TLK1: variants seen among roughly 807,000 people sequenced by gnomAD.
The protein encoded by TLK1 is serine/threonine-protein kinase tousled-like 1.
TLK1 carries 24 observed loss-of-function variants against 105.3 expected under a neutral mutation model. That is an observed-to-expected ratio of 0.23 (90% CI 0.17 to 0.32). The LOEUF is 0.32. Ranked by LOEUF, TLK1 falls within the 10% of genes least tolerant of loss-of-function variation. The pLI is 1.00. For missense variants in TLK1, 558 were observed against 910.5 expected, an observed-to-expected ratio of 0.61 and a Z score of 4.98; for synonymous variants, 321 against 310.4, an observed-to-expected ratio of 1.03 and a Z score of -0.36.
intron 1 of TLK1, among the ~76,000 whole-genome samples, chr2:171,151,932 C>T (rs1023382280): frequency 8.6e-5 from 13 of 152,028 alleles, no homozygotes; most frequent in African/African-American, 2.9e-4. Context: ...GGCAAATATA[C>T]AGTATCAAAA....
intron 12 of TLK1, among the ~76,000 whole-genome samples, 152 bp downstream of exon 12, chr2:171,028,182 ATAAAG>A (rs1439257371): frequency 6.6e-6 from 1 of 152,164 alleles, no homozygotes; most frequent in Non-Finnish European, 1.5e-5. Context: ...AATAAATAAA[ATAAAG>A]TAACTTTAAT....
At chr2:171,127,376 G>T (rs1690915129) in intron 1 of TLK1, among the ~76,000 whole-genome samples, 1 of 151,816 alleles carries the variant, frequency 6.6e-6, no homozygotes, top group Admixed American at 6.6e-5. Flanking sequence ...TTTTAACATG[G>T]TTAATAAATA....
At chr2:171,089,502 T>C (rs1344722625) in intron 2 of TLK1, among the ~76,000 whole-genome samples, 1 of 152,212 alleles carries the variant, frequency 6.6e-6, no homozygotes, top group Non-Finnish European at 1.5e-5. Flanking sequence ...GATATCCAAT[T>C]GATACAGCAC....
intron 1 of TLK1, among the ~76,000 whole-genome samples, chr2:171,120,025 T>A (rs1411266967): frequency 6.6e-6 from 1 of 151,954 alleles, no homozygotes; most frequent in Admixed American, 6.6e-5. Context: ...GGCCGGCAGA[T>A]CACTTGAGGT....
At chr2:171,121,077 G>A (rs1690635274) in intron 1 of TLK1, among the ~76,000 whole-genome samples, 1 of 152,134 alleles carries the variant, frequency 6.6e-6, no homozygotes, top group Non-Finnish European at 1.5e-5. Flanking sequence ...GTGGTGGAAT[G>A]GGAGGTTAGT....
intron 1 of TLK1, among the ~76,000 whole-genome samples, chr2:171,131,453 T>C (rs913142228): frequency 1.6e-4 from 25 of 152,148 alleles, no homozygotes; most frequent in African/African-American, 6.0e-4. Flanking sequence ...CAAAACAGAG[T>C]GGCAGATGCA....
At chr2:171,225,783 A>T (rs1448223431) in intron 1 of TLK1, among the ~76,000 whole-genome samples, 1 of 152,200 alleles carries the variant, frequency 6.6e-6, no homozygotes, top group Non-Finnish European at 1.5e-5. Context: ...TCAGTTCCTT[A>T]ATGTGTCTTT....
At chr2:171,113,372 G>A (rs926559461) in intron 2 of TLK1, among the ~76,000 whole-genome samples, 10 of 151,538 alleles carry the variant, frequency 6.6e-5, no homozygotes, top group Non-Finnish European at 1.5e-4. Flanking sequence ...CTGGGTTCAA[G>A]CAATTCTCCT....
At chr2:171,073,965 A>C (rs1688383202) in intron 3 of TLK1, among the ~76,000 whole-genome samples, 1 of 138,834 alleles carries the variant, frequency 7.2e-6, no homozygotes, top group African/African-American at 2.7e-5. Flanking sequence ...ATCTCGGCTC[A>C]CTGCAACCTT....
chr2:171,135,319 G>GTATATA (rs201751767), intron 1 of TLK1, among the ~76,000 whole-genome samples: 3,142 of 70,078 alleles, frequency 0.045, 83 homozygotes, highest in African/African-American at 0.17. Flanking sequence ...GTGTGTGTGT[G>GTATATA]TATATATATA....
At chr2:171,187,078 AAAAAAGAAAAAG>A (rs1287672796) in intron 1 of TLK1, among the ~76,000 whole-genome samples, 23 of 127,374 alleles carry the variant, frequency 1.8e-4, no homozygotes, top group African/African-American at 5.4e-4. Flanking sequence ...AAAAAAAAAA[AAAAAAGAAAAAG>A]AAAAAGAAAA....
intron 1 of TLK1, among the ~76,000 whole-genome samples, chr2:171,149,332 T>G (rs181368538): frequency 1.3e-5 from 2 of 152,240 alleles, no homozygotes; most frequent in East Asian, 3.9e-4. Flanking sequence ...TTGTGAAACC[T>G]TGTAGTTACT....
intron 1 of TLK1, among the ~76,000 whole-genome samples, chr2:171,140,607 T>C (rs1575623207): frequency 6.6e-6 from 1 of 152,180 alleles, no homozygotes; most frequent in East Asian, 1.9e-4. Flanking sequence ...ATAATCTCAA[T>C]CCTTAAAAGT....
At chr2:171,049,314 GT>G (rs1263201520) in intron 10 of TLK1, among the ~76,000 whole-genome samples, 3 of 151,882 alleles carry the variant, frequency 2.0e-5, no homozygotes, top group Admixed American at 1.3e-4. Context: ...AATAAATAGA[GT>G]TTACCTCAGA....
At chr2:171,031,913 G>A (rs1686063959) in intron 11 of TLK1, among the ~76,000 whole-genome samples, 1 of 152,080 alleles carries the variant, frequency 6.6e-6, no homozygotes, top group African/African-American at 2.4e-5. Context: ...ATGGTAAATA[G>A]ACTGTTAGAG....
intron 2 of TLK1, among the ~76,000 whole-genome samples, chr2:171,098,703 T>C (rs1349285305): frequency 2.6e-5 from 4 of 152,154 alleles, no homozygotes; most frequent in Admixed American, 6.5e-5. Flanking sequence ...CTTACAAATA[T>C]GGATGCAAAA....
At chr2:171,201,204 A>G (rs1693392366) in intron 1 of TLK1, among the ~76,000 whole-genome samples, 1 of 151,964 alleles carries the variant, frequency 6.6e-6, no homozygotes, top group Non-Finnish European at 1.5e-5. Flanking sequence ...TTTTTATATT[A>G]TCTGTCTTCC....
chr2:171,026,358 C>T (rs1685773714), intron 12 of TLK1, among the ~76,000 whole-genome samples: 2 of 152,030 alleles, frequency 1.3e-5, no homozygotes, highest in Non-Finnish European at 2.9e-5. Context: ...TTTCAAAGTA[C>T]CAGGAAAGCT....
chr2:171,080,030 T>TA (rs75294654), intron 3 of TLK1, among the ~76,000 whole-genome samples: 5 of 151,894 alleles, frequency 3.3e-5, no homozygotes, highest in East Asian at 1.9e-4. Context: ...CAATTTTTTT[T>TA]AAAAAAAAAG....
Sources: allele counts gnomAD v4.1 joint callset (sites outside exome capture counted in the v4.1 genomes callset), GRCh38; gene constraint gnomAD v4.1.1; transcripts MANE v1.5; gene names NCBI Gene and HGNC (gene_info 2026-07-23, HGNC 2026-07-21).